The following IP6K1 variants were observed in gnomAD, a reference collection of about 807,000 sequenced individuals.
IP6K1 encodes the protein inositol hexakisphosphate kinase 1.
A neutral mutation model predicts 38.3 loss-of-function variants in IP6K1; 13 were observed. The observed-to-expected ratio is 0.34, with a 90% CI of 0.22 to 0.54. IP6K1 has a LOEUF of 0.54. Ranked by LOEUF, IP6K1 falls within the 20% of genes least tolerant of loss-of-function variation. The probability of loss-of-function intolerance (pLI) is 0.92; values close to 1 mark genes in which losing one functional copy is unlikely to be tolerated. For synonymous variants in IP6K1, 212 were observed against 229.9 expected (o/e 0.92, Z 0.70); for missense variants, 397 against 599.8 (o/e 0.66, Z 3.53).
chr3:49,750,833 T>C (rs1307358064), intron 1 of IP6K1, among the ~76,000 whole-genome samples: 2 of 152,224 alleles, frequency 1.3e-5, no homozygotes, highest in Non-Finnish European at 2.9e-5. Flanking sequence ...TGTTTCCATA[T>C]GATGTCAACA....
intron 4 of IP6K1, among the ~76,000 whole-genome samples, chr3:49,732,190 A>G (rs1478536329): frequency 6.6e-6 from 1 of 152,114 alleles, no homozygotes; most frequent in East Asian, 1.9e-4. Context: ...TCAGCCTCCC[A>G]AAGTGCTGGG....
At chr3:49,774,425 A>G (rs1003369885) in intron 1 of IP6K1, among the ~76,000 whole-genome samples, 18 of 151,132 alleles carry the variant, frequency 1.2e-4, no homozygotes, top group South Asian at 2.1e-4. Flanking sequence ...AAAAAAAAAA[A>G]AAAAGAAAAA....
rs1553694208 is a variant in IP6K1 at position 49,743,619 on chromosome 3, G to GGT, written c.223+4198_223+4199insAC. Reference sequence around the variant, plus strand: ...ACTTGAGCCATAGTTTTTTTTTTTTGTTTTTTTTTTTTTTTTGAGACAAGA... The same window carrying GGT: ...ACTTGAGCCATAGTTTTTTTTTTTTGGTTTTTTTTTTTTTTTTTGAGACAAGA... On this transcript the variant is annotated intron_variant, in intron 2 of 5. Transcript: ENST00000321599. Among the ~76,000 whole-genome samples the GGT allele has an allele frequency of 3.4e-3, 280 of 81,728 alleles. 7 individuals are homozygous for GGT. The highest frequency in any genetic ancestry group is 0.021 in the South Asian group (53 of 2,576). The allele number at this position is 81,728 out of a possible 152,430, so 53.6% of individuals were successfully genotyped here. A position where few individuals can be genotyped will look rare whatever the true frequency, so the allele number is the denominator to read the frequency against.
chr3:49,763,562 T>A (rs1261666947), intron 1 of IP6K1, among the ~76,000 whole-genome samples: 1 of 152,186 alleles, frequency 6.6e-6, no homozygotes, highest in Non-Finnish European at 1.5e-5. Flanking sequence ...GAATCCCTCA[T>A]GACAAAGTGG....
intron 2 of IP6K1, among the ~76,000 whole-genome samples, chr3:49,746,890 G>A (rs970468307): frequency 1.3e-5 from 2 of 152,106 alleles, no homozygotes; most frequent in African/African-American, 4.8e-5. Flanking sequence ...GTTACCAGGG[G>A]ATCAGATGAT....
At chr3:49,755,601 G>C (rs1559709802) in intron 1 of IP6K1, among the ~76,000 whole-genome samples, 1 of 152,118 alleles carries the variant, frequency 6.6e-6, no homozygotes, top group Non-Finnish European at 1.5e-5. Context: ...AAGAGCTGAA[G>C]AGAAAATAAA....
At chr3:49,758,510 T>C (rs1428824134) in intron 1 of IP6K1, 1 of 152,116 alleles carries the variant, frequency 6.6e-6, no homozygotes, top group Admixed American at 6.6e-5. Context: ...TGGTGGAGCA[T>C]TCGTTGTATC....
chr3:49,753,607 A>T (rs2080797367), intron 1 of IP6K1, among the ~76,000 whole-genome samples: 1 of 152,224 alleles, frequency 6.6e-6, no homozygotes, highest in Non-Finnish European at 1.5e-5. Flanking sequence ...GGCTGAATAA[A>T]TATATGTATG....
At chr3:49,734,927 A>C (rs957985895) in intron 3 of IP6K1, among the ~76,000 whole-genome samples, 2 of 152,150 alleles carry the variant, frequency 1.3e-5, no homozygotes, top group Non-Finnish European at 2.9e-5. Context: ...GTACAGGTAG[A>C]GCTGTCACCT....
chr3:49,747,344 T>C (rs7374277), intron 2 of IP6K1, among the ~76,000 whole-genome samples: 81,098 of 152,074 alleles, frequency 0.53, 22,460 homozygotes, highest in East Asian at 0.83. Flanking sequence ...ATAAATTATT[T>C]TTCCTTCAAA....
At chr3:49,783,464 G>A (rs1214910002) in intron 1 of IP6K1, among the ~76,000 whole-genome samples, 1 of 151,982 alleles carries the variant, frequency 6.6e-6, no homozygotes, top group Non-Finnish European at 1.5e-5. Context: ...TGTAATCCCA[G>A]CACTTTGGGA....
intron 4 of IP6K1, among the ~76,000 whole-genome samples, chr3:49,730,182 C>T (rs569041039): frequency 2.0e-5 from 3 of 152,028 alleles, no homozygotes; most frequent in South Asian, 2.1e-4. Flanking sequence ...CATGAGCCAC[C>T]GCGCCCAGCC....
chr3:49,764,387 C>T (rs1452305902), intron 1 of IP6K1, among the ~76,000 whole-genome samples: 1 of 151,272 alleles, frequency 6.6e-6, no homozygotes, highest in Non-Finnish European at 1.5e-5. Flanking sequence ...GTCTCTAAAA[C>T]GAGAAAAATT....
At chr3:49,737,651 A>G (rs2080624561) in intron 3 of IP6K1, among the ~76,000 whole-genome samples, 1 of 152,230 alleles carries the variant, frequency 6.6e-6, no homozygotes, top group Non-Finnish European at 1.5e-5. Flanking sequence ...GCACCACTGC[A>G]TTCCAGCCTA....
At chr3:49,762,790 T>C (rs1055903682) in intron 1 of IP6K1, among the ~76,000 whole-genome samples, 72 of 148,166 alleles carry the variant, frequency 4.9e-4, no homozygotes, top group African/African-American at 1.7e-3. Context: ...TTTTTTTTTT[T>C]CAGACATAAT....
chr3:49,758,314 CAA>C (rs11359274), intron 1 of IP6K1, among the ~76,000 whole-genome samples: 41 of 54,394 alleles, frequency 7.5e-4, no homozygotes, highest in African/African-American at 3.0e-3. Flanking sequence ...GACTCCATCT[CAA>C]AAAAAAAAAA....
chr3:49,763,069 C>G (rs1382505697), intron 1 of IP6K1, among the ~76,000 whole-genome samples: 1 of 151,040 alleles, frequency 6.6e-6, no homozygotes, highest in African/African-American at 2.4e-5. Context: ...GGATTATAGG[C>G]GTGAGCCACC....
Position 49,785,047 on chromosome 3 carries a change from G to A in IP6K1, c.-129+1307C>T, listed in dbSNP as rs554622384. Among the ~76,000 whole-genome samples the A allele has an allele frequency of 2.6e-5, 4 of 152,292 alleles. No homozygotes were observed. In the East Asian group the frequency reaches 5.8e-4, roughly 22 times the overall value. ...CATATTCTATGACCACATACAAGAAGACTGTACAAAGAACCAAAGAGGCCA... is the reference window on the plus strand; with the variant it reads ...CATATTCTATGACCACATACAAGAAAACTGTACAAAGAACCAAAGAGGCCA... On this transcript the variant is annotated intron_variant, in intron 1 of 5. Transcript: ENST00000321599.
chr3:49,749,995 G>A (rs1467164273), intron 1 of IP6K1, among the ~76,000 whole-genome samples: 1 of 151,990 alleles, frequency 6.6e-6, no homozygotes, highest in Non-Finnish European at 1.5e-5. Context: ...GACTCCTAAG[G>A]TACCCTATGC....
Sources: gnomAD v4.1 joint callset for allele counts (sites outside exome capture counted in the v4.1 genomes callset) on GRCh38, gnomAD v4.1.1 for gene constraint, MANE v1.5 for transcripts, NCBI Gene and HGNC (gene_info 2026-07-23, HGNC 2026-07-21) for gene names.